The following SYT1 variants were observed in gnomAD, a reference collection of about 807,000 sequenced individuals.
SYT1 encodes synaptotagmin-1.
A neutral mutation model predicts 44.8 loss-of-function variants in SYT1; 8 were observed. The observed-to-expected ratio is 0.18, with a 90% CI of 0.10 to 0.32. SYT1 has a LOEUF of 0.32. SYT1 is among the 10% of genes least tolerant of loss of function. The probability of loss-of-function intolerance (pLI) is 1.00; values close to 1 mark genes in which losing one functional copy is unlikely to be tolerated. For synonymous variants in SYT1, 154 were observed against 188.8 expected (o/e 0.82, Z 1.51); for missense variants, 286 against 509.3 (o/e 0.56, Z 4.22).
intron 3 of SYT1, among the ~76,000 whole-genome samples, chr12:79,135,924 A>G (rs11112914): frequency 0.14 from 20,970 of 152,188 alleles, 1,931 homozygotes; most frequent in East Asian, 0.25. Flanking sequence ...TTTGTTGTTT[A>G]AACTTGGAGA....
At chr12:79,155,781 G>T (rs188228198) in intron 3 of SYT1, among the ~76,000 whole-genome samples, 39 of 152,276 alleles carry the variant, frequency 2.6e-4, no homozygotes, top group African/African-American at 7.7e-4. Context: ...CTCCATTTCA[G>T]AAGGGAAAAA....
chr12:79,432,920 T>G (rs1295293601), intron 9 of SYT1, among the ~76,000 whole-genome samples: 1 of 152,162 alleles, frequency 6.6e-6, no homozygotes, highest in African/African-American at 2.4e-5. Context: ...CCCTATTTTC[T>G]TTTTTAAGCA....
chr12:79,269,180 C>T (rs1878286385), intron 4 of SYT1, among the ~76,000 whole-genome samples: 1 of 151,572 alleles, frequency 6.6e-6, no homozygotes, highest in Non-Finnish European at 1.5e-5. Context: ...TTAATCCTTA[C>T]AGCAATCCTG....
chr12:78,888,156 G>GT (rs1874851184), intron 1 of SYT1, among the ~76,000 whole-genome samples: 3 of 151,914 alleles, frequency 2.0e-5, no homozygotes, highest in Non-Finnish European at 4.4e-5. Flanking sequence ...GAAATTGATA[G>GT]TTTTTTTCAA....
At chr12:79,080,812 T>G (rs1565796933) in intron 3 of SYT1, among the ~76,000 whole-genome samples, 2 of 152,214 alleles carry the variant, frequency 1.3e-5, no homozygotes, top group Non-Finnish European at 1.5e-5. Context: ...TGCTGTAGAC[T>G]AACTAGGTTA....
intron 8 of SYT1, among the ~76,000 whole-genome samples, chr12:79,351,362 A>G (rs1486830210): frequency 6.6e-6 from 1 of 152,198 alleles, no homozygotes; most frequent in Non-Finnish European, 1.5e-5. Flanking sequence ...GTTCAACACA[A>G]TTGCAATGCC....
At chr12:78,962,052 T>G (rs190798913) in intron 1 of SYT1, among the ~76,000 whole-genome samples, 42 of 152,282 alleles carry the variant, frequency 2.8e-4, no homozygotes, top group African/African-American at 9.9e-4. Context: ...TTCTCGTTTT[T>G]GTTTTCTTTT....
intron 1 of SYT1, among the ~76,000 whole-genome samples, chr12:78,900,436 A>T (rs1875597083): frequency 1.3e-5 from 2 of 152,118 alleles, no homozygotes; most frequent in Non-Finnish European, 2.9e-5. Context: ...ATGTGGGGAG[A>T]CAGGGCCAAT....
At chr12:79,206,811 C>G (rs926610786) in intron 3 of SYT1, among the ~76,000 whole-genome samples, 10 of 152,218 alleles carry the variant, frequency 6.6e-5, no homozygotes, top group African/African-American at 2.4e-4. Flanking sequence ...TTACAAGGTG[C>G]AGATACTTAG....
intron 1 of SYT1, among the ~76,000 whole-genome samples, chr12:78,888,534 G>C (rs905611680): frequency 2.0e-5 from 3 of 151,900 alleles, no homozygotes; most frequent in Non-Finnish European, 4.4e-5. Flanking sequence ...GAATTAAAAA[G>C]ATGTTTAGCA....
chr12:79,403,367 AGTAG>A (rs1318214576), intron 9 of SYT1, among the ~76,000 whole-genome samples: 3 of 152,166 alleles, frequency 2.0e-5, no homozygotes, highest in Non-Finnish European at 4.4e-5. Flanking sequence ...AGAGTAGCCC[AGTAG>A]ACTGGAGACC....
At chr12:79,035,014 T>G (rs1167248518) in intron 2 of SYT1, among the ~76,000 whole-genome samples, 1 of 151,620 alleles carries the variant, frequency 6.6e-6, no homozygotes, top group Non-Finnish European at 1.5e-5. Context: ...GGCTGTAATT[T>G]TTGTCCTTAC....
At chr12:79,098,410 G>T (rs530669117) in intron 3 of SYT1, among the ~76,000 whole-genome samples, 2 of 152,122 alleles carry the variant, frequency 1.3e-5, no homozygotes, top group South Asian at 4.2e-4. Context: ...TTAGCAACAA[G>T]AGCCCAATAA....
intron 4 of SYT1, among the ~76,000 whole-genome samples, chr12:79,265,805 A>G (rs1878094379): frequency 1.3e-5 from 2 of 152,208 alleles, no homozygotes; most frequent in African/African-American, 4.8e-5. Flanking sequence ...AGAATTAGAC[A>G]ATACTGCAAG....
rs908557487 is a variant in SYT1 at position 78,934,171 on chromosome 12, C to G, written c.-216-43628C>G. Among the ~76,000 whole-genome samples, 4 of 147,460 alleles carry G rather than the reference C, an allele frequency of 2.7e-5. No homozygotes were observed. The Admixed American group carries it at 2.7e-4, about 10-fold the overall frequency. ...GTATGTGCGTGTGTACACACACACA[C>G]ATACACACACACACACACACCATAC... On this transcript the variant is annotated intron_variant, in intron 1 of 10. Coordinates refer to ENST00000261205, the MANE Select transcript of SYT1 (RefSeq NM_005639.3).
chr12:78,993,137 A>T (rs1870134403), intron 2 of SYT1, among the ~76,000 whole-genome samples: 1 of 152,162 alleles, frequency 6.6e-6, no homozygotes, highest in African/African-American at 2.4e-5. Flanking sequence ...TATTATGTTT[A>T]TCTGTTTTAT....
At chr12:79,275,416 G>T (rs141088849) in intron 4 of SYT1, among the ~76,000 whole-genome samples, 3 of 152,096 alleles carry the variant, frequency 2.0e-5, no homozygotes, top group African/African-American at 4.8e-5. Flanking sequence ...GGGTGACTGC[G>T]TCCCCAAGGG....
At chr12:79,151,332 T>A (rs1053622386) in intron 3 of SYT1, among the ~76,000 whole-genome samples, 2 of 152,096 alleles carry the variant, frequency 1.3e-5, no homozygotes, top group Non-Finnish European at 2.9e-5. Context: ...CCAGGAAGAA[T>A]GGGAACTTGG....
At chr12:79,123,352 T>TGTGTGTGTGTGTGTGTGTGTG (rs1565816421) in intron 3 of SYT1, among the ~76,000 whole-genome samples, 3 of 149,682 alleles carry the variant, frequency 2.0e-5, no homozygotes, top group African/African-American at 7.5e-5. Flanking sequence ...TGTGTGTGTG[T>TGTGTGTGTGTGTGTGTGTGTG]TTAGCTATCA....
Sources: gnomAD v4.1 joint callset for allele counts (sites outside exome capture counted in the v4.1 genomes callset) on GRCh38, gnomAD v4.1.1 for gene constraint, MANE v1.5 for transcripts, NCBI Gene and HGNC (gene_info 2026-07-23, HGNC 2026-07-21) for gene names.